TAOK2: variants seen among roughly 807,000 people sequenced by gnomAD.
The protein encoded by TAOK2 is TAO kinase 2.
In TAOK2, 42 loss-of-function variants were observed where a neutral mutation model predicts 122.5. The ratio of observed to expected loss-of-function variants is 0.34; its 90% CI spans 0.27 to 0.44. The LOEUF is 0.44. TAOK2 is among the 20% of genes least tolerant of loss of function. The probability of loss-of-function intolerance (pLI) is 1.00; values close to 1 mark genes in which losing one functional copy is unlikely to be tolerated. For missense variants in TAOK2, 1,264 were observed against 1,644.9 expected (o/e 0.77, Z 4.01); for synonymous variants, 704 against 677.6 (o/e 1.04, Z -0.61).
intron 1 of TAOK2, among the ~76,000 whole-genome samples, chr16:29,976,138 AGGTTAGCATTCTGGGGCCTT>A (rs1339478966): frequency 2.6e-4 from 39 of 152,298 alleles, no homozygotes; most frequent in African/African-American, 8.7e-4. Context: ...CGTGTGGCCT[AGGTTAGCATTCTGGGGCCTT>A]GTGTTGGTAA....
rs1215457514 is a variant in TAOK2, at chr16:29,987,805, A to G, written c.3533A>G (p.His1178Arg). The G allele has an allele frequency of 6.2e-7, 1 of 1,613,646 alleles. No homozygotes were observed. The highest frequency in any genetic ancestry group is 8.5e-7 in the Non-Finnish European group (1 of 1,179,826). Residue 1178 changes from histidine (H) to arginine (R), a missense_variant, in exon 16 of 16, where the codon CAC (histidine) becomes CGC (arginine). Around this residue, in one of 4 missense-constraint regions of TAOK2, gnomAD observed 824 missense variants for 908.7 expected, o/e 0.91. Coordinates refer to ENST00000308893, the MANE Select transcript of TAOK2 (RefSeq NM_016151.4). ...LASHLPPWAI[H>R]TLASWGLLRG... is the part of the protein sequence containing the mutation. ...TCCCACTTGCCCCCGTGGGCCATCCACACACTGGCCAGCTGGGGCCTGCTT... is the reference window on the plus strand; with the variant it reads ...TCCCACTTGCCCCCGTGGGCCATCCGCACACTGGCCAGCTGGGGCCTGCTT...
rs2069819375 is a variant in TAOK2 at position 29,986,966 on chromosome 16, C to A, written c.2694C>A (p.Val898=). The part of the protein sequence containing the change: ...GWVQGPALTP[V]PEEEEEEEEG... ...TCCAGGGCCCAGCACTGACTCCCGT[C>A]CCTGAGGAGGAGGAAGAAGAGGAAG... The change falls in exon 16 of 16, where the codon GTC becomes GTA. Residue 898 remains valine, a synonymous_variant. Coordinates refer to ENST00000308893, the MANE Select transcript of TAOK2 (RefSeq NM_016151.4). The surrounding 1 kb of genome is among the most constrained non-coding windows in gnomAD (Gnocchi z 4.2). The A allele has an allele frequency of 2.5e-6, 4 of 1,613,730 alleles. No individual in the cohort carries two copies. The highest frequency in any genetic ancestry group is 1.7e-4 in the Middle Eastern group (1 of 6,058).
chr16:29,987,837 G>A lies in TAOK2; in HGVS notation c.3565G>A (p.Glu1189Lys), dbSNP rs1319182013. ...GGCCAGCTGGGGCCTGCTTCGGGGT[G>A]AACGGCCCACCCGAATCCCCCGGCT... Reference protein sequence around the residue: ...TLASWGLLRGERPTRIPRLLP... With the variant: ...TLASWGLLRGKRPTRIPRLLP... Residue 1189 changes from glutamate (E) to lysine (K), a missense_variant, in exon 16 of 16, where the codon GAA becomes AAA. By Grantham distance (56) the Glu-to-Lys change is moderately conservative. This residue lies in a region of TAOK2 where 824 missense variants were observed against 908.7 expected (regional missense o/e 0.91). Transcript: ENST00000308893. 1.2e-6 allele frequency: 2 copies of A among 1,612,130 alleles called. No homozygotes were observed. The highest frequency in any genetic ancestry group is 2.7e-5 in the African/African-American group (2 of 74,908).
rs763939409 is a variant in TAOK2, at chr16:29,981,818, A to C, written c.750-41A>C. On this transcript the variant is annotated intron_variant, in intron 9 of 15. Coordinates refer to ENST00000308893, the MANE Select transcript of TAOK2 (RefSeq NM_016151.4). ...GCCATGGGGTATGGATGCCTGACTCATGCCTTCCCCACCCCTCTCCCACCC... is the reference window on the plus strand; with the variant it reads ...GCCATGGGGTATGGATGCCTGACTCCTGCCTTCCCCACCCCTCTCCCACCC... 21 of 1,604,728 alleles carry C rather than the reference A, an allele frequency of 1.3e-5. No homozygotes were observed. The South Asian group carries it at 2.1e-4, about 16-fold the overall frequency.
At position 29,985,193 on chromosome 16, in the gene TAOK2, C is replaced by T. The variant is rs1440030425; in HGVS notation, c.1423-20C>T. ...AGGGGCCAGGCTGAGCCCCAGCTCT[C>T]ACCCTCTCTCCTTCCCCAGGTCAGC... On this transcript the variant is annotated intron_variant, in intron 13 of 15. Coordinates refer to ENST00000308893, the MANE Select transcript of TAOK2 (RefSeq NM_016151.4). The surrounding 1 kb of genome is among the most constrained non-coding windows in gnomAD (Gnocchi z 6.9). The T allele has an allele frequency of 2.0e-6, 3 of 1,492,932 alleles. No individual in the cohort carries two copies. Among genetic ancestry groups the T allele is most frequent in the South Asian group, 1.4e-5 (1 of 70,408 alleles). 92.5% of individuals were successfully genotyped at this position (1,492,932 alleles called of 1,614,324 possible). A position where few individuals can be genotyped will look rare whatever the true frequency, so the allele number is the denominator to read the frequency against.
chr16:29,980,561 A>G (rs2069582077), intron 8 of TAOK2: 1 of 151,528 alleles, frequency 6.6e-6, no homozygotes, highest in Admixed American at 6.6e-5. Context: ...TGTGTCATGA[A>G]CTCTTCCACT....
intron 8 of TAOK2, 79 bp from the exon 9 acceptor site, chr16:29,981,582 C>T (rs1479571040): frequency 1.5e-6 from 2 of 1,371,542 alleles, no homozygotes; most frequent in Non-Finnish European, 2.1e-6. Context: ...GGGTTTGAAC[C>T]CAAGTCGTCT....
At chr16:29,981,984 T>C in intron 10 of TAOK2, 44 bp downstream of exon 10, 1 of 1,519,902 alleles carries the variant, frequency 6.6e-7, no homozygotes, top group Non-Finnish European at 9.1e-7. Flanking sequence ...CTGTAGCTTG[T>C]TACAGCCACA....
chr16:29,989,289 C>G (rs920303922), downstream of TAOK2: 10 of 985,346 alleles, frequency 1.0e-5, no homozygotes, highest in Non-Finnish European at 1.2e-5. Context: ...GTATCGCACC[C>G]AACTCCGTGC....
chr16:29,991,894 A>G (rs1406411302), downstream of TAOK2: 1 of 243,264 alleles, frequency 4.1e-6, no homozygotes, highest in African/African-American at 2.2e-5. This position sits in a 1 kb window ranked among gnomAD's most constrained non-coding sequence, Gnocchi z 5.6. Context: ...GTCTAGACAT[A>G]CTATATTCAG....
Position 29,979,161 on chromosome 16 carries a change from C to A in TAOK2, c.450-34C>A, listed in dbSNP as rs756322108. 2.6e-4 allele frequency: 416 copies of A among 1,613,450 alleles called. No individual in the cohort carries two copies. Among genetic ancestry groups the A allele is most frequent in the Non-Finnish European group, 3.4e-4 (396 of 1,179,510 alleles). ...CTGCCCCTGCCTAGCTTTCTTGAGA[C>A]ACATGTCTCATCCCTGTACTTTGCC... On this transcript the variant is annotated intron_variant, in intron 6 of 15. Transcript: ENST00000308893. This position sits in a 1 kb window ranked among gnomAD's most constrained non-coding sequence, Gnocchi z 4.1.
chr16:29,979,382 G>A lies in TAOK2; in HGVS notation c.564-35G>A. On this transcript the variant is annotated intron_variant, in intron 7 of 15. Transcript: ENST00000308893. This position sits in a 1 kb window ranked among gnomAD's most constrained non-coding sequence, Gnocchi z 4.1. ...GAGTAGGAGTGACAGGGTCTCGGCG[G>A]GTGATTTGCCTCTCTCTCCTGACCA... 6 of 1,605,428 alleles carry A rather than the reference G, an allele frequency of 3.7e-6. No individual in the cohort carries two copies. Among genetic ancestry groups the A allele is most frequent in the Non-Finnish European group, 5.1e-6 (6 of 1,174,056 alleles).
chr16:29,978,894 C>A (rs748345245), intron 5 of TAOK2, 50 bp downstream of exon 5: 29 of 1,613,436 alleles, frequency 1.8e-5, no homozygotes, highest in Admixed American at 8.3e-5. Context: ...AGCAGGGGAG[C>A]CATAGGGAAG....
downstream of TAOK2, chr16:29,990,938 C>G: frequency 6.2e-7 from 1 of 1,613,008 alleles, no homozygotes; most frequent in Non-Finnish European, 8.5e-7. Context: ...CAGAGGGTCG[C>G]GCTGCGGCGG....
rs534386272 is a variant in TAOK2 at position 29,982,715 on chromosome 16, C to G, written c.832-19C>G. 8 of 1,606,928 alleles carry G rather than the reference C, an allele frequency of 5.0e-6. No homozygotes were observed. In the East Asian group the frequency reaches 1.8e-4, roughly 36 times the overall value. On this transcript the variant is annotated intron_variant, in intron 10 of 15. Coordinates refer to ENST00000308893, the MANE Select transcript of TAOK2 (RefSeq NM_016151.4). ...GGGAAGGGGAGTTGGCAGCAGACCT[C>G]AGTGCCCTCTTCCCCCAGCACCGCT...
In TAOK2 at chr16:29,983,048, C is replaced by T. The variant is rs755577194; in HGVS notation, c.1000-24C>T. 8.7e-6 allele frequency: 14 copies of T among 1,613,006 alleles called. No individual in the cohort carries two copies. The East Asian group carries it at 2.9e-4, about 33-fold the overall frequency. On this transcript the variant is annotated intron_variant, in intron 11 of 15. Coordinates refer to ENST00000308893, the MANE Select transcript of TAOK2 (RefSeq NM_016151.4). Reference sequence around the variant, plus strand: ...GCCCCAGGGCTTCCCCTTCCCTGTCCAGCAGCCTACGCCCTGTTCGCAGGA... The same window carrying T: ...GCCCCAGGGCTTCCCCTTCCCTGTCTAGCAGCCTACGCCCTGTTCGCAGGA...
Position 29,982,883 on chromosome 16 carries a change from G to A in TAOK2, c.981G>A (p.Glu327=). 1 of 1,613,962 alleles carries A rather than the reference G, an allele frequency of 6.2e-7. No homozygotes were observed. The highest frequency in any genetic ancestry group is 8.5e-7 in the Non-Finnish European group (1 of 1,179,936). ...AGGCACCCAACGGCCCTGGTGCCGA[G>A]GCCCCAGAGGAGGAAGAGGTGACCC... ...FQEAPNGPGA[E]APEEEEEAEP... is the part of the protein sequence containing the mutation. The change falls in exon 11 of 16, where the codon GAG becomes GAA. Residue 327 remains glutamate (E), a synonymous_variant. Transcript: ENST00000308893.
chr16:29,983,391 G>A (rs1488490162), intron 12 of TAOK2, 59 bp downstream of exon 12: 4 of 1,560,330 alleles, frequency 2.6e-6, no homozygotes, highest in Admixed American at 1.7e-5. Flanking sequence ...CTGGGTCTTC[G>A]CCCTCCTTCC....
Position 29,988,039 on chromosome 16 carries a change from C to T in TAOK2, c.*59C>T, listed in dbSNP as rs1412550240. ...ATTGAGCACTTTATCTCCCACGACT[C>T]AGTGAAGTTTCTCCAGTCCCTAGTC... On this transcript the variant is annotated 3_prime_UTR_variant, in exon 16 of 16. Coordinates refer to ENST00000308893, the MANE Select transcript of TAOK2 (RefSeq NM_016151.4). 3.2e-5 allele frequency: 48 copies of T among 1,479,336 alleles called. No homozygotes were observed. The highest frequency in any genetic ancestry group is 3.5e-5 in the Non-Finnish European group (39 of 1,122,878). 91.6% of individuals were successfully genotyped at this position (1,479,336 alleles called of 1,614,324 possible). A position where few individuals can be genotyped will look rare whatever the true frequency, so the allele number is the denominator to read the frequency against.
Sources: gnomAD v4.1 joint callset for allele counts (sites outside exome capture counted in the v4.1 genomes callset) on GRCh38, gnomAD v4.1.1 for gene constraint, gnomAD v4.1.1 regional missense constraint, Gnocchi (gnomAD v3.1) non-coding constraint, MANE v1.5 for transcripts, NCBI Gene and HGNC (gene_info 2026-07-23, HGNC 2026-07-21) for gene names.